Variants in FANCA observed in about 807,000 individuals in gnomAD.
The protein encoded by FANCA is Fanconi anemia group A protein.
In FANCA, 236 loss-of-function variants were observed where a neutral mutation model predicts 194.3. That is an observed-to-expected ratio of 1.21 (90% CI 1.09 to 1.35). The LOEUF (loss-of-function observed/expected upper bound fraction) is 1.35. Ranked by LOEUF, FANCA falls within the 40% of genes most tolerant of loss-of-function variation. FANCA has a pLI of 0.00. For missense variants in FANCA, 2,628 were observed against 1,813.9 expected (o/e 1.45, Z -8.15); for synonymous variants, 1,014 against 715.8 (o/e 1.42, Z -6.65).
chr16:89,744,907 G>A, intron 36 of FANCA, 52 bp downstream of exon 36: 1 of 1,521,850 alleles, frequency 6.6e-7, no homozygotes, highest in Non-Finnish European at 9.1e-7. Flanking sequence ...ACCTTGAGCA[G>A]GTCCCGAAGT....
chr16:89,795,945 T>C lies in FANCA; in HGVS notation c.967A>G (p.Thr323Ala). ...CTGTGAGTGAGTATCTGAGTCAGGG[T>C]ATGACTGAAGAACCTCTTCAGAGGA... ...TDPLKRFFSH[T>A]LTQILTHSPV... Residue 323 changes from threonine (T) to alanine (A), a missense_variant, in exon 11 of 43, where the codon ACC becomes GCC. By Grantham distance (58) the Thr-to-Ala change is moderately conservative. Coordinates refer to ENST00000389301, the MANE Select transcript of FANCA (RefSeq NM_000135.4). 1.2e-6 allele frequency: 2 copies of C among 1,614,034 alleles called. No homozygotes were observed. The highest frequency in any genetic ancestry group is 1.1e-5 in the South Asian group (1 of 91,080).
rs866064423 is a variant in FANCA at position 89,789,124 on chromosome 16, C to A, written c.1359+2279G>T. ...CTAAAAGGACAGAACAAACACCTCTCCTCTTAGTTTAGTGGAAGCCCCAGG... is the reference window on the plus strand; with the variant it reads ...CTAAAAGGACAGAACAAACACCTCTACTCTTAGTTTAGTGGAAGCCCCAGG... On this transcript the variant is annotated intron_variant, in intron 14 of 42. Coordinates refer to ENST00000389301, the MANE Select transcript of FANCA (RefSeq NM_000135.4). Among the ~76,000 whole-genome samples, 6 of 152,116 alleles carry A rather than the reference C, an allele frequency of 3.9e-5. 1 individual carries two copies. The highest frequency in any genetic ancestry group is 6.8e-3 in the Middle Eastern group (2 of 294).
intron 6 of FANCA, among the ~76,000 whole-genome samples, chr16:89,807,330 G>A (rs1156597820): frequency 5.9e-5 from 9 of 151,988 alleles, no homozygotes; most frequent in South Asian, 2.1e-4. Context: ...GGTGGCACGC[G>A]CCTGTAGTCC....
chr16:89,800,188 T>C (rs1567642893), intron 8 of FANCA, among the ~76,000 whole-genome samples: 1 of 151,932 alleles, frequency 6.6e-6, no homozygotes, highest in Non-Finnish European at 1.5e-5. Flanking sequence ...GCACGCAGAG[T>C]TTTGCTGAAG....
At position 89,737,867 on chromosome 16, in the gene FANCA, C is replaced by T. The variant is rs369592437; in HGVS notation, c.*734G>A. The T allele has an allele frequency of 5.0e-5, 80 of 1,614,202 alleles. No individual in the cohort carries two copies. The highest frequency in any genetic ancestry group is 4.3e-4 in the Admixed American group (26 of 60,018). On this transcript the variant is annotated 3_prime_UTR_variant, in exon 43 of 43. Coordinates refer to ENST00000389301, the MANE Select transcript of FANCA (RefSeq NM_000135.4). ...CCTTCAAGCAGCGGAAGCACCTTCT[C>T]GTCCACCAAATGCGACATTCGGGAG...
chr16:89,761,553 C>A (rs1452342152), intron 29 of FANCA, among the ~76,000 whole-genome samples: 2 of 148,098 alleles, frequency 1.4e-5, no homozygotes, highest in Non-Finnish European at 3.0e-5. Context: ...GTAAACCAAA[C>A]ATTAAATTGA....
At chr16:89,785,858 G>GTTTTT (rs1469531630) in intron 14 of FANCA, among the ~76,000 whole-genome samples, 5 of 138,066 alleles carry the variant, frequency 3.6e-5, no homozygotes, top group African/African-American at 1.1e-4. Context: ...ATTGTGTTTT[G>GTTTTT]TTTTTTTTTT....
chr16:89,814,637 T>A (rs748709223), intron 2 of FANCA, 24 bp from the exon 3 acceptor site: 2 of 1,574,874 alleles, frequency 1.3e-6, no homozygotes, highest in South Asian at 1.1e-5. Context: ...CACAACAAAC[T>A]CCATTTAAAA....
intron 26 of FANCA, chr16:89,769,588 G>C (rs1022067568): frequency 8.9e-6 from 5 of 558,886 alleles, no homozygotes; most frequent in Non-Finnish European, 9.6e-6. Context: ...GATATAGACA[G>C]TTACTATCTA....
intron 30 of FANCA, among the ~76,000 whole-genome samples, chr16:89,756,111 A>G (rs564893885): frequency 2.4e-4 from 37 of 152,366 alleles, no homozygotes; most frequent in African/African-American, 8.2e-4. Context: ...AATTATGGCT[A>G]TGTGGGATTA....
In FANCA at chr16:89,758,596, G is replaced by A. The variant is rs2143224238; in HGVS notation, c.2962C>T (p.Leu988=). The A allele has an allele frequency of 1.2e-6, 2 of 1,613,950 alleles. No homozygotes were observed. Among genetic ancestry groups the A allele is most frequent in the Non-Finnish European group, 1.7e-6 (2 of 1,179,878 alleles). The part of the protein sequence containing the change: ...QAACTILVNA[L]MDFHQSSRSY... ...GCTAACCTTTGGTGGAAATCCATCA[G>A]TGCGTTGACAAGAATGGTACACGCA... The change falls in exon 30 of 43, where the codon CTG becomes TTG. Residue 988 remains leucine, a synonymous_variant. Coordinates refer to ENST00000389301, the MANE Select transcript of FANCA (RefSeq NM_000135.4).
In FANCA at chr16:89,760,168, C is replaced by T. The variant is rs553206825; in HGVS notation, c.2853-1463G>A. Among the ~76,000 whole-genome samples the T allele has an allele frequency of 4.3e-4, 65 of 152,390 alleles. 3 individuals are homozygous for T. In the South Asian group the frequency reaches 0.013, roughly 32 times the overall value. On this transcript the variant is annotated intron_variant, in intron 29 of 42. Coordinates refer to ENST00000389301, the MANE Select transcript of FANCA (RefSeq NM_000135.4). The stretch of plus-strand genomic sequence containing the variant: ...CCTGATGCAGCATGACCTCATGCAG[C>T]AGACAAGCCCCTCCCTCTGACCTCC...
chr16:89,738,627 G>A lies in FANCA; in HGVS notation c.4342C>T (p.Leu1448=), dbSNP rs1567590925. 6.8e-6 allele frequency: 11 copies of A among 1,613,700 alleles called. No homozygotes were observed. The highest frequency in any genetic ancestry group is 9.3e-6 in the Non-Finnish European group (11 of 1,180,040). ...CAGAAGAGATGAGGCTCCTGGGACA[G>A]GTCAGCGTCAGGGGCAGCCTGCTGT... ...SRQQAAPDAD[L]SQEPHLF is the part of the protein sequence containing the mutation. The change falls in exon 43 of 43, where the codon CTG becomes TTG. Residue 1448 remains leucine, a synonymous_variant. Transcript: ENST00000389301.
chr16:89,792,664 G>T, intron 11 of FANCA, 117 bp from the exon 12 acceptor site: 1 of 797,512 alleles, frequency 1.3e-6, no homozygotes, highest in Non-Finnish European at 2.1e-6. Flanking sequence ...CGACGAGAGA[G>T]TGTAGAAAGA....
rs775465987 is a variant in FANCA at position 89,784,869 on chromosome 16, A to C, written c.1455T>G (p.Ser485=). The C allele has an allele frequency of 1.2e-6, 2 of 1,613,612 alleles. No individual in the cohort carries two copies. The highest frequency in any genetic ancestry group is 2.2e-5 in the South Asian group (2 of 91,080). The part of the protein sequence containing the change: ...TFLSELVPFE[S]PRYLQVHILH... ...AGCTTCTCACCTGCAGGTACCGGGG[A>C]GACTCAAAAGGCACGAGTTCTGACA... Residue 485 remains serine, a synonymous_variant, in exon 15 of 43, where the codon TCT becomes TCG. Transcript: ENST00000389301.
chr16:89,804,781 C>T (rs1369091599), intron 7 of FANCA, among the ~76,000 whole-genome samples: 4 of 152,178 alleles, frequency 2.6e-5, no homozygotes, highest in Admixed American at 2.0e-4. Flanking sequence ...CGCCTATAAT[C>T]CCAGCACTTT....
chr16:89,757,858 C>T (rs1267931463), intron 30 of FANCA, among the ~76,000 whole-genome samples: 1 of 152,200 alleles, frequency 6.6e-6, no homozygotes, highest in African/African-American at 2.4e-5. Context: ...GGTGACAGAA[C>T]AGAAAAACAA....
intron 28 of FANCA, among the ~76,000 whole-genome samples, chr16:89,763,262 T>C (rs1260045172): frequency 6.6e-6 from 1 of 151,560 alleles, no homozygotes; most frequent in Non-Finnish European, 1.5e-5. Flanking sequence ...AAAAAAATAA[T>C]AATTTAAAAA....
intron 30 of FANCA, among the ~76,000 whole-genome samples, chr16:89,753,280 C>G (rs576716749): frequency 6.6e-6 from 1 of 152,262 alleles, no homozygotes; most frequent in East Asian, 1.9e-4. Flanking sequence ...GCCTTGTATC[C>G]AATAAGTAAC....
Sources: gnomAD v4.1 joint callset for allele counts (sites outside exome capture counted in the v4.1 genomes callset) on GRCh38, gnomAD v4.1.1 for gene constraint, MANE v1.5 for transcripts, NCBI Gene and HGNC (gene_info 2026-07-23, HGNC 2026-07-21) for gene names.